The following TRANK1 variants were observed in gnomAD, a reference collection of about 807,000 sequenced individuals.
TRANK1 encodes the protein tetratricopeptide repeat and ankyrin repeat containing 1.
A neutral mutation model predicts 266.0 loss-of-function variants in TRANK1; 198 were observed. The observed-to-expected ratio is 0.74, with a 90% CI of 0.66 to 0.84. The LOEUF (loss-of-function observed/expected upper bound fraction) is 0.84. Among genes scored for constraint, TRANK1 ranks in the 40% least tolerant of loss-of-function variants. TRANK1 has a pLI of 0.00. For synonymous variants in TRANK1, 1,396 were observed against 1,384.1 expected (o/e 1.01, Z -0.19); for missense variants, 3,326 against 3,634.6 (o/e 0.92, Z 2.18).
chr3:36,925,157 T>C (rs190029921), intron 1 of TRANK1, among the ~76,000 whole-genome samples: 3 of 152,316 alleles, frequency 2.0e-5, no homozygotes, highest in Non-Finnish European at 2.9e-5. Flanking sequence ...TCCTTTCTTT[T>C]TTCTTTTCCT....
rs1424048842 is a variant in TRANK1, at chr3:36,879,680, A to G, written c.908-5384T>C. 2.7e-5 allele frequency among the ~76,000 whole-genome samples: 3 copies of G among 109,158 alleles called. 1 individual carries two copies. The highest frequency in any genetic ancestry group is 1.2e-4 in the African/African-American group (3 of 24,922). 71.6% of individuals were successfully genotyped at this position (109,158 alleles called of 152,430 possible). ...AATATATAAATATATATAAATATAT[A>G]AATATATAAATATATAAATATAAAT... On this transcript the variant is annotated intron_variant, in intron 8 of 23. Transcript: ENST00000645898.
chr3:36,880,308 A>C, intron 8 of TRANK1: 1 of 399,142 alleles, frequency 2.5e-6, no homozygotes, highest in South Asian at 2.0e-5. Flanking sequence ...TTTCCACCTC[A>C]TGAGAAACAT....
chr3:36,852,004 G>A (rs538222866), intron 14 of TRANK1, 142 bp downstream of exon 14: 9 of 1,364,926 alleles, frequency 6.6e-6, no homozygotes, highest in Middle Eastern at 1.9e-4. Context: ...GAAACACTTG[G>A]TCACTCAGCC....
intron 1 of TRANK1, among the ~76,000 whole-genome samples, chr3:36,925,989 T>C (rs897018266): frequency 6.6e-6 from 1 of 152,192 alleles, no homozygotes; most frequent in Non-Finnish European, 1.5e-5. Context: ...TTAATATTGA[T>C]GCTTTTATAA....
chr3:36,870,480 C>T (rs370013832), intron 9 of TRANK1, among the ~76,000 whole-genome samples: 3 of 151,774 alleles, frequency 2.0e-5, no homozygotes, highest in East Asian at 3.9e-4. Context: ...TACAACTCCA[C>T]CTTGCCAGCC....
At chr3:36,909,711 A>T (rs1352002874) in intron 1 of TRANK1, among the ~76,000 whole-genome samples, 1 of 152,230 alleles carries the variant, frequency 6.6e-6, no homozygotes, top group Non-Finnish European at 1.5e-5. Flanking sequence ...CCAAGCACAC[A>T]TAAGTGGTGA....
At chr3:36,875,008 C>CA (rs112705869) in intron 8 of TRANK1, among the ~76,000 whole-genome samples, 2,298 of 129,442 alleles carry the variant, frequency 0.018, 49 homozygotes, top group African/African-American at 0.047. Flanking sequence ...CCCACTTTAC[C>CA]AAAAAAAAAA....
At chr3:36,892,060 T>C (rs963250402) in intron 7 of TRANK1, 142 bp downstream of exon 7, 4 of 1,092,532 alleles carry the variant, frequency 3.7e-6, no homozygotes, top group Non-Finnish European at 5.0e-6. Context: ...TGCTGCTTCA[T>C]TCATTTGAAT....
At chr3:36,926,086 C>T (rs2080284395) in intron 1 of TRANK1, among the ~76,000 whole-genome samples, 1 of 152,142 alleles carries the variant, frequency 6.6e-6, no homozygotes, top group Non-Finnish European at 1.5e-5. Context: ...CCAGTAATGA[C>T]ATATACCCCC....
At chr3:36,852,445 G>T in intron 13 of TRANK1, 100 bp from the exon 14 acceptor site, 1 of 1,124,812 alleles carries the variant, frequency 8.9e-7, no homozygotes, top group Non-Finnish European at 1.2e-6. Flanking sequence ...AAGCAGGTTT[G>T]GCCCCTACAG....
rs767621760 is a variant in TRANK1 at position 36,833,418 on chromosome 3, C to T, written c.6165G>A (p.Thr2055=). Residue 2055 remains threonine (T), a synonymous_variant, in exon 22 of 24, where the codon ACG becomes ACA. Coordinates refer to ENST00000645898, the MANE Select transcript of TRANK1 (RefSeq NM_001329998.2). ...KLRDAFFKFD[T]LNHSAGVVEA... Reference sequence around the variant, plus strand: ...CCACCACTCCAGCTGAGTGGTTGAGCGTGTCAAACTTGAAGAAGGCATCCC... The same window carrying T: ...CCACCACTCCAGCTGAGTGGTTGAGTGTGTCAAACTTGAAGAAGGCATCCC... 18 of 1,613,762 alleles carry T rather than the reference C, an allele frequency of 1.1e-5. No homozygotes were observed. The highest frequency in any genetic ancestry group is 2.2e-5 in the South Asian group (2 of 91,044).
rs375948768 is a variant in TRANK1, at chr3:36,851,774, G to C, written c.4832C>G (p.Ala1611Gly). 69 of 1,613,032 alleles carry C rather than the reference G, an allele frequency of 4.3e-5. No individual in the cohort carries two copies. In the African/African-American group the frequency reaches 8.7e-4, roughly 20 times the overall value. ...GLALVLTIYE[A>G]KGLEFDDVLL... ...GACATCATCAAATTCTAAGCCTTTT[G>C]CTTCATAAATTGTTAGCACAAGTGC... is the stretch of plus-strand genomic sequence containing the variant. The change falls in exon 15 of 24, where the codon GCA (alanine) becomes GGA (glycine). Residue 1611 changes from alanine (A) to glycine (G), a missense_variant. Transcript: ENST00000645898.
chr3:36,935,872 T>C (rs1250976892), intron 1 of TRANK1, among the ~76,000 whole-genome samples: 1 of 152,212 alleles, frequency 6.6e-6, no homozygotes, highest in Admixed American at 6.5e-5. Context: ...CAGAGGCAGA[T>C]GATTAAGCTA....
At chr3:36,851,637 C>G (rs2078985189) in intron 15 of TRANK1, 82 bp downstream of exon 15, 3 of 1,486,216 alleles carry the variant, frequency 2.0e-6, no homozygotes, top group Non-Finnish European at 2.7e-6. Flanking sequence ...CTCTTACCCT[C>G]AACTCCAAAT....
At chr3:36,944,687 C>A in intron 1 of TRANK1, 100 bp downstream of exon 1, 2 of 1,401,922 alleles carry the variant, frequency 1.4e-6, no homozygotes, top group East Asian at 2.9e-5. Context: ...CGGCCGCTAC[C>A]TCAGGGTCGC....
At chr3:36,883,277 CCAA>C (rs1245271444) in intron 8 of TRANK1, among the ~76,000 whole-genome samples, 1 of 151,760 alleles carries the variant, frequency 6.6e-6, no homozygotes, top group Non-Finnish European at 1.5e-5. Flanking sequence ...TCTGTCTCTA[CCAA>C]CAACAACAGC....
At chr3:36,930,169 C>T (rs2080342285) in intron 1 of TRANK1, among the ~76,000 whole-genome samples, 2 of 152,186 alleles carry the variant, frequency 1.3e-5, no homozygotes, top group African/African-American at 4.8e-5. Context: ...CCACTTTGCC[C>T]AGCTGAGATG....
chr3:36,866,950 C>G (rs1559440341), intron 9 of TRANK1, among the ~76,000 whole-genome samples: 1 of 152,138 alleles, frequency 6.6e-6, no homozygotes, highest in Non-Finnish European at 1.5e-5. Flanking sequence ...ACACTCATTG[C>G]CCACTCTAAT....
At chr3:36,836,561 G>C (rs570131852) in intron 20 of TRANK1, among the ~76,000 whole-genome samples, 1 of 152,320 alleles carries the variant, frequency 6.6e-6, no homozygotes, top group South Asian at 2.1e-4. Context: ...AAATGTATTA[G>C]AATGACTACC....
Sources: allele counts gnomAD v4.1 joint callset (sites outside exome capture counted in the v4.1 genomes callset), GRCh38; gene constraint gnomAD v4.1.1; transcripts MANE v1.5; gene names NCBI Gene and HGNC (gene_info 2026-07-23, HGNC 2026-07-21).